The following FMR1NB variants were observed in gnomAD, a reference collection of about 807,000 sequenced individuals.
FMR1NB encodes the protein FMR1 neighbor.
A neutral mutation model predicts 16.8 loss-of-function variants in FMR1NB; 10 were observed. That is an observed-to-expected ratio of 0.60 (90% confidence interval 0.37 to 1.01). The LOEUF is 1.01. Ranked by LOEUF, FMR1NB falls within the 50% of genes least tolerant of loss-of-function variation. The pLI, the probability that FMR1NB is intolerant of heterozygous loss-of-function variation, is 0.01. For synonymous variants in FMR1NB, 83 were observed against 79.1 expected (o/e 1.05, Z -0.26); for missense variants, 205 against 204.8 (o/e 1.00, Z 0.00).
At chrX:147,991,709 G>C (rs1361623234) in intron 1 of FMR1NB, among the ~76,000 whole-genome samples, 2 of 101,260 alleles carry the variant, frequency 2.0e-5, no homozygotes, top group Admixed American at 1.1e-4. Context: ...CTCACAGAGG[G>C]GGATTTGGCA....
At chrX:147,985,306 T>A (rs1489628022) in intron 1 of FMR1NB, among the ~76,000 whole-genome samples, 7 of 111,723 alleles carry the variant, frequency 6.3e-5, no homozygotes, top group Non-Finnish European at 1.3e-4. Flanking sequence ...GTTGAAACAT[T>A]TTATTTTTGA....
intron 2 of FMR1NB, among the ~76,000 whole-genome samples, chrX:148,005,298 C>T (rs1413949340): frequency 1.8e-5 from 2 of 111,669 alleles, no homozygotes; most frequent in Admixed American, 1.9e-4. Flanking sequence ...TTAACCCTAA[C>T]CCTAACCCTC....
chrX:147,982,850 C>T (rs782094838), intron 1 of FMR1NB, among the ~76,000 whole-genome samples: 4 of 111,101 alleles, frequency 3.6e-5, no homozygotes, highest in East Asian at 2.8e-4. Context: ...GCCAAGATCG[C>T]GCCACTACAC....
At chrX:147,999,533 C>CT (rs5904216) in intron 1 of FMR1NB, among the ~76,000 whole-genome samples, 22,279 of 104,644 alleles carry the variant, frequency 0.21, 2,039 homozygotes, top group East Asian at 0.66. Flanking sequence ...TACTTCTAGT[C>CT]TTTTTTTTTT....
At chrX:148,016,942 TG>T (rs1294132460) in intron 4 of FMR1NB, among the ~76,000 whole-genome samples, 2 of 111,533 alleles carry the variant, frequency 1.8e-5, no homozygotes, top group African/African-American at 6.5e-5. Context: ...TACTTATTAT[TG>T]CCAGTGAGTT....
chrX:148,000,968 T>G (rs1052226707), intron 1 of FMR1NB, among the ~76,000 whole-genome samples: 1 of 112,073 alleles, frequency 8.9e-6, no homozygotes, highest in African/African-American at 3.2e-5. Context: ...ATTGTCTATC[T>G]GGAATGAAAC....
At chrX:148,004,096 A>T (rs782236920) in intron 2 of FMR1NB, among the ~76,000 whole-genome samples, 1 of 112,169 alleles carries the variant, frequency 8.9e-6, no homozygotes, top group East Asian at 2.8e-4. Context: ...TACTTGTTAC[A>T]TTAAGTTTAA....
chrX:148,017,326 T>A (rs2044654616), intron 4 of FMR1NB, among the ~76,000 whole-genome samples: 1 of 110,616 alleles, frequency 9.0e-6, no homozygotes, highest in Non-Finnish European at 1.9e-5. Context: ...GGGAGTTTGA[T>A]TATTAAATGC....
At chrX:147,994,575 A>C (rs1557188007) in intron 1 of FMR1NB, among the ~76,000 whole-genome samples, 1 of 112,329 alleles carries the variant, frequency 8.9e-6, no homozygotes. Flanking sequence ...TCCTCTAAAA[A>C]AGTAAGCTGA....
chrX:148,010,018 A>C (rs1347665830), intron 4 of FMR1NB, among the ~76,000 whole-genome samples: 6 of 112,250 alleles, frequency 5.3e-5, no homozygotes, highest in African/African-American at 1.9e-4. Flanking sequence ...TTCTAGGATT[A>C]TAAGTTTGGT....
intron 1 of FMR1NB, among the ~76,000 whole-genome samples, chrX:147,994,980 A>T (rs1309431947): frequency 7.1e-5 from 8 of 112,116 alleles, no homozygotes; most frequent in African/African-American, 2.6e-4. Context: ...CTTCATAGAG[A>T]TAATCAAGTT....
At chrX:148,000,541 A>G (rs782049085) in intron 1 of FMR1NB, among the ~76,000 whole-genome samples, 1 of 112,271 alleles carries the variant, frequency 8.9e-6, no homozygotes, top group Non-Finnish European at 1.9e-5. Flanking sequence ...TTGTTCAAGA[A>G]TGCAAGAATA....
chrX:148,019,015 G>T (rs782115139), intron 4 of FMR1NB, among the ~76,000 whole-genome samples: 1 of 111,905 alleles, frequency 8.9e-6, no homozygotes, highest in African/African-American at 3.2e-5. Context: ...GTGGGTGAAG[G>T]ACATGAACAG....
chrX:148,012,379 G>A (rs1160120331), intron 4 of FMR1NB, among the ~76,000 whole-genome samples: 1 of 111,735 alleles, frequency 8.9e-6, no homozygotes, highest in Non-Finnish European at 1.9e-5. Context: ...TGTAGCTTTG[G>A]TAAGGTGGAA....
At chrX:148,025,695 T>C (rs1211127935) in intron 5 of FMR1NB, among the ~76,000 whole-genome samples, 2 of 112,273 alleles carry the variant, frequency 1.8e-5, no homozygotes, top group African/African-American at 6.5e-5. Flanking sequence ...AGTGTTTCCA[T>C]GGGCAGTGAA....
At chrX:148,023,382 A>G (rs781798821) in intron 4 of FMR1NB, among the ~76,000 whole-genome samples, 2 of 112,035 alleles carry the variant, frequency 1.8e-5, no homozygotes, top group African/African-American at 3.2e-5. Context: ...TCTTTGCCCC[A>G]CATTTGTCTT....
intron 1 of FMR1NB, among the ~76,000 whole-genome samples, chrX:147,996,240 T>C (rs1557188145): frequency 8.9e-6 from 1 of 112,072 alleles, no homozygotes; most frequent in African/African-American, 3.2e-5. Context: ...AAATAAACGA[T>C]GAAAGACATG....
rs971885964 is a variant in FMR1NB, at chrX:147,998,960, A to G, written c.278-4241A>G. Among the ~76,000 whole-genome samples, 10 of 112,320 alleles carry G rather than the reference A, an allele frequency of 8.9e-5. No individual in the cohort carries two copies. In the South Asian group the frequency reaches 1.1e-3, roughly 12 times the overall value. On this transcript the variant is annotated intron_variant, in intron 1 of 5. Coordinates refer to ENST00000370467, the MANE Select transcript of FMR1NB (RefSeq NM_152578.3). ...ATGTTTAATTGTCGCTTTCATTTCA[A>G]TGCCCATTGTAATGACCGAAAGATC...
intron 4 of FMR1NB, among the ~76,000 whole-genome samples, chrX:148,011,290 A>C (rs1475757110): frequency 4.5e-5 from 5 of 110,869 alleles, no homozygotes; most frequent in African/African-American, 1.3e-4. Flanking sequence ...AAAACAAAAA[A>C]AAAATGTGAA....
Sources: allele counts gnomAD v4.1 joint callset (sites outside exome capture counted in the v4.1 genomes callset), GRCh38; gene constraint gnomAD v4.1.1; transcripts MANE v1.5; gene names NCBI Gene and HGNC (gene_info 2026-07-23, HGNC 2026-07-21).